The following ART3 variants were observed in gnomAD, a reference collection of about 807,000 sequenced individuals.
ART3 encodes the protein ADP-ribosyltransferase 3 (inactive).
ART3 carries 49 observed loss-of-function variants against 48.5 expected under a neutral mutation model. That is an observed-to-expected ratio of 1.01 (90% confidence interval 0.80 to 1.28). The LOEUF (loss-of-function observed/expected upper bound fraction) is 1.28. ART3 is among the 50% of genes most tolerant of loss of function. The pLI, the probability that ART3 is intolerant of heterozygous loss-of-function variation, is 0.00. For missense variants in ART3, 438 were observed against 454.3 expected (o/e 0.96, Z 0.33); for synonymous variants, 145 against 157.2 (o/e 0.92, Z 0.58).
chr4:76,049,376 T>G (rs915922466), intron 1 of ART3, among the ~76,000 whole-genome samples: 6 of 151,830 alleles, frequency 4.0e-5, no homozygotes, highest in Non-Finnish European at 8.8e-5. Flanking sequence ...CGACATGCTT[T>G]TGAGAGTGCC....
intron 10 of ART3, chr4:76,106,455 G>A (rs969047968): frequency 1.4e-6 from 1 of 697,606 alleles, no homozygotes; most frequent in East Asian, 1.3e-4. Flanking sequence ...TAGGTTAGAG[G>A]CCCACTTTTT....
intron 1 of ART3, among the ~76,000 whole-genome samples, chr4:76,037,651 A>G (rs748502330): frequency 4.6e-5 from 7 of 152,120 alleles, no homozygotes; most frequent in Non-Finnish European, 1.0e-4. Flanking sequence ...GTAATTTGAA[A>G]GGAATACATT....
upstream of ART3, among the ~76,000 whole-genome samples, chr4:76,073,472 G>C (rs1720530828): frequency 6.6e-6 from 1 of 152,164 alleles, no homozygotes; most frequent in Non-Finnish European, 1.5e-5. Flanking sequence ...GTGGGAAAAG[G>C]TTGGAACATA....
upstream of ART3, among the ~76,000 whole-genome samples, chr4:76,070,992 A>G (rs1720255703): frequency 6.6e-6 from 1 of 151,690 alleles, no homozygotes. Context: ...TCTCTTTGCT[A>G]TATTATTAGT....
chr4:76,059,052 T>A (rs141355129), intron 1 of ART3, among the ~76,000 whole-genome samples: 57 of 152,348 alleles, frequency 3.7e-4, no homozygotes, highest in Non-Finnish European at 4.3e-4. Context: ...ACTTGGTGAT[T>A]GGCACAAGAG....
At chr4:76,034,621 C>T in intron 1 of ART3, 1 of 634,932 alleles carries the variant, frequency 1.6e-6, no homozygotes, top group Non-Finnish European at 2.7e-6. Flanking sequence ...TGTTTTTGGT[C>T]CTTTCACCCA....
intron 3 of ART3, among the ~76,000 whole-genome samples, chr4:76,097,216 A>G (rs1006005631): frequency 2.0e-5 from 3 of 152,048 alleles, no homozygotes; most frequent in African/African-American, 7.2e-5. Flanking sequence ...AATTTTTTTA[A>G]ATAATTGAGA....
At chr4:76,110,980 T>C (rs990923674) in intron 11 of ART3, among the ~76,000 whole-genome samples, 1 of 152,172 alleles carries the variant, frequency 6.6e-6, no homozygotes, top group Non-Finnish European at 1.5e-5. Context: ...ACACAGACCA[T>C]ATGTGGCACC....
chr4:76,068,075 T>C (rs1446946714), intron 1 of ART3, among the ~76,000 whole-genome samples: 1 of 152,236 alleles, frequency 6.6e-6, no homozygotes, highest in Non-Finnish European at 1.5e-5. Context: ...AGTCTTCAAA[T>C]TGGGATACAT....
chr4:76,023,525 T>C lies in ART3; in HGVS notation c.-10+12205T>C. 3.5e-6 allele frequency: 4 copies of C among 1,140,464 alleles called. No individual in the cohort carries two copies. In the South Asian group the frequency reaches 5.0e-5, roughly 14 times the overall value. 70.6% of individuals were successfully genotyped at this position (1,140,464 alleles called of 1,614,324 possible). On this transcript the variant is annotated intron_variant, in intron 1 of 9. Coordinates refer to the ART3 transcript ENST00000341029. ...AAAACGTGGGGCTAGTGTGCCATAT[T>C]TATCTGCAAAGCCATTTTCCCTCCC...
rs553541028 is a variant in ART3 at position 76,048,171 on chromosome 4, T to A, written c.-9-27710T>A. ...ATGGGGATAAGCTGAGAGGTCCTCC[T>A]GTAGGATGTAAATTGTAAGCTTTGC... On this transcript the variant is annotated intron_variant, in intron 1 of 9. Transcript: ENST00000341029. 2.0e-5 allele frequency among the ~76,000 whole-genome samples: 3 copies of A among 152,086 alleles called. No homozygotes were observed. The South Asian group carries it at 6.2e-4, about 32-fold the overall frequency.
At chr4:76,027,055 C>T (rs919785549) in intron 1 of ART3, among the ~76,000 whole-genome samples, 27 of 152,288 alleles carry the variant, frequency 1.8e-4, no homozygotes, top group African/African-American at 6.3e-4. Context: ...AGTTCTAGAA[C>T]AGCCTGGCCA....
chr4:76,059,325 A>G (rs1016975590), intron 1 of ART3, among the ~76,000 whole-genome samples: 3 of 147,732 alleles, frequency 2.0e-5, no homozygotes, highest in Non-Finnish European at 3.0e-5. Flanking sequence ...CCAAAGATCA[A>G]TTTTGTTTTC....
intron 1 of ART3, chr4:76,021,140 C>T (rs1053101020): frequency 6.6e-6 from 1 of 152,256 alleles, no homozygotes; most frequent in African/African-American, 2.4e-5. Context: ...ACTTTATTAA[C>T]CTTTTGATCT....
At chr4:76,069,230 T>G (rs926931018) in intron 1 of ART3, among the ~76,000 whole-genome samples, 3 of 145,318 alleles carry the variant, frequency 2.1e-5, no homozygotes, top group Non-Finnish European at 4.4e-5. Context: ...GGAGATGAAA[T>G]GTTTTCATTA....
At chr4:76,056,947 A>G (rs1718744281) in intron 1 of ART3, among the ~76,000 whole-genome samples, 1 of 151,958 alleles carries the variant, frequency 6.6e-6, no homozygotes, top group African/African-American at 2.4e-5. Flanking sequence ...CATGGCTTAC[A>G]CATATTCATT....
At chr4:76,035,536 A>G (rs1172864910) in intron 1 of ART3, among the ~76,000 whole-genome samples, 1 of 152,246 alleles carries the variant, frequency 6.6e-6, no homozygotes, top group Non-Finnish European at 1.5e-5. Context: ...TTAGTAAGCA[A>G]ATCGCTAACA....
intron 3 of ART3, among the ~76,000 whole-genome samples, chr4:76,085,251 G>A (rs1578485430): frequency 6.6e-6 from 1 of 152,332 alleles, no homozygotes; most frequent in East Asian, 1.9e-4. Context: ...AAAGTGTGCA[G>A]TAGGCCTCAA....
At chr4:76,104,321 G>C in intron 9 of ART3, 1 of 971,314 alleles carries the variant, frequency 1.0e-6, no homozygotes, top group African/African-American at 1.8e-5. Context: ...GTTAGTCTTG[G>C]CTAACATCTC....
Sources: gnomAD v4.1 joint callset for allele counts (sites outside exome capture counted in the v4.1 genomes callset) on GRCh38, gnomAD v4.1.1 for gene constraint, MANE v1.5 for transcripts, NCBI Gene and HGNC (gene_info 2026-07-23, HGNC 2026-07-21) for gene names.